The following GLYATL3 variants were observed in gnomAD, a reference collection of about 807,000 sequenced individuals.
GLYATL3 encodes glycine N-acyltransferase-like protein 3.
In GLYATL3, 31 loss-of-function variants were observed where a neutral mutation model predicts 28.5. That is an observed-to-expected ratio of 1.09 (90% CI 0.82 to 1.47). The LOEUF is 1.47. Ranked by LOEUF, GLYATL3 falls within the 40% of genes most tolerant of loss-of-function variation. The pLI is 0.00. For synonymous variants in GLYATL3, 141 were observed against 140.2 expected (o/e 1.01, Z -0.04); for missense variants, 369 against 351.5 (o/e 1.05, Z -0.40).
intron 5 of GLYATL3, among the ~76,000 whole-genome samples, chr6:49,524,547 C>T (rs1769369730): frequency 6.6e-6 from 1 of 152,058 alleles, no homozygotes. Context: ...ATATCAGGGG[C>T]TTTATATAGT....
intron 4 of GLYATL3, among the ~76,000 whole-genome samples, chr6:49,519,975 T>G (rs1769285211): frequency 6.6e-6 from 1 of 152,192 alleles, no homozygotes. Context: ...TGGTAACTAG[T>G]CTAATAAATG....
intron 4 of GLYATL3, among the ~76,000 whole-genome samples, chr6:49,519,526 T>C (rs1769279107): frequency 1.3e-5 from 2 of 152,198 alleles, no homozygotes; most frequent in Admixed American, 6.5e-5. Context: ...CTATTCTTAA[T>C]TGGAGTATCC....
Position 49,527,885 on chromosome 6 carries a change from C to G in GLYATL3, c.*971C>G, listed in dbSNP as rs1471055538. Among the ~76,000 whole-genome samples the G allele has an allele frequency of 1.3e-5, 2 of 151,516 alleles. No homozygotes were observed. Among genetic ancestry groups the G allele is most frequent in the African/African-American group, 2.4e-5 (1 of 41,164 alleles). The stretch of plus-strand genomic sequence containing the variant: ...TTTTGATAAGATAATAAATTTTAAC[C>G]CTTTGATTACATATGAAAAATTTGA... On this transcript the variant is annotated 3_prime_UTR_variant, in exon 6 of 6. Coordinates refer to ENST00000371197, the MANE Select transcript of GLYATL3 (RefSeq NM_001010904.2).
chr6:49,519,834 A>G lies in GLYATL3; in HGVS notation c.314-1811A>G, dbSNP rs183947412. On this transcript the variant is annotated intron_variant, in intron 4 of 5. Transcript: ENST00000371197. Reference sequence around the variant, plus strand: ...TAGCTAAACCCCTTTAGTTTGCCATATGAAAGCAGGAAGTGAAAAAGTATA... The same window carrying G: ...TAGCTAAACCCCTTTAGTTTGCCATGTGAAAGCAGGAAGTGAAAAAGTATA... Among the ~76,000 whole-genome samples the G allele has an allele frequency of 5.9e-5, 9 of 152,330 alleles. No homozygotes were observed. The East Asian group carries it at 1.7e-3, about 29-fold the overall frequency.
chr6:49,514,259 A>C (rs1408167406), intron 2 of GLYATL3, among the ~76,000 whole-genome samples: 1 of 152,190 alleles, frequency 6.6e-6, no homozygotes, highest in Non-Finnish European at 1.5e-5. Context: ...CCTGTTTTGA[A>C]TGTAACATAA....
intron 2 of GLYATL3, among the ~76,000 whole-genome samples, chr6:49,514,984 A>G (rs1192495918): frequency 1.3e-5 from 2 of 152,188 alleles, no homozygotes. Context: ...GAATTATAAT[A>G]TTATTCCAGT....
intron 1 of GLYATL3, among the ~76,000 whole-genome samples, chr6:49,504,517 T>C (rs1278968363): frequency 6.6e-6 from 1 of 152,186 alleles, no homozygotes; most frequent in Non-Finnish European, 1.5e-5. Context: ...GAAATGTTTT[T>C]CGGCAGCAGT....
At chr6:49,517,377 T>C in intron 3 of GLYATL3, 53 bp from the exon 4 acceptor site, 9 of 1,437,594 alleles carry the variant, frequency 6.3e-6, no homozygotes, top group Non-Finnish European at 8.3e-6. Flanking sequence ...ACCTAAGATT[T>C]GGATTATCCA....
chr6:49,517,381 T>G (rs1166459943), intron 3 of GLYATL3, 49 bp from the exon 4 acceptor site: 1 of 1,457,102 alleles, frequency 6.9e-7, no homozygotes, highest in Admixed American at 2.6e-5. Context: ...AAGATTTGGA[T>G]TATCCAGATA....
In GLYATL3 at chr6:49,515,672, A is replaced by G. The variant is rs1461872945; in HGVS notation, c.98A>G (p.Asn33Ser). 1.9e-6 allele frequency: 3 copies of G among 1,549,596 alleles called. No individual in the cohort carries two copies. The highest frequency in any genetic ancestry group is 2.6e-6 in the Non-Finnish European group (3 of 1,145,228). The change falls in exon 3 of 6, where the codon AAC becomes AGC. Residue 33 changes from asparagine (N) to serine (S), a missense_variant. By Grantham distance (46) the Asn-to-Ser change is conservative (BLOSUM62 1). Coordinates refer to ENST00000371197, the MANE Select transcript of GLYATL3 (RefSeq NM_001010904.2). ...ESLKVYGAVM[N>S]INRGNPFQKE... Reference sequence around the variant, plus strand: ...ACTCAGGTTTACGGAGCGGTGATGAACATAAATCGTGGGAACCCCTTTCAA... The same window carrying G: ...ACTCAGGTTTACGGAGCGGTGATGAGCATAAATCGTGGGAACCCCTTTCAA...
intron 2 of GLYATL3, among the ~76,000 whole-genome samples, chr6:49,515,136 G>A (rs1027995239): frequency 7.2e-5 from 11 of 152,028 alleles, no homozygotes; most frequent in African/African-American, 2.2e-4. Flanking sequence ...TTGTTTGTTT[G>A]TTTTAATTTG....
chr6:49,526,719 A>G lies in GLYATL3; in HGVS notation c.672A>G (p.Lys224=). ...HGYTLPEHRR[K]GYSRLVALTL... is the part of the protein sequence containing the mutation. ...ACACCCTGCCAGAACATCGCAGGAAAGGTTACAGCCGGCTGGTGGCCCTCA... is the reference window on the plus strand; with the variant it reads ...ACACCCTGCCAGAACATCGCAGGAAGGGTTACAGCCGGCTGGTGGCCCTCA... The change falls in exon 6 of 6, where the codon AAA becomes AAG. Residue 224 remains lysine, a synonymous_variant. Transcript: ENST00000371197. The G allele has an allele frequency of 6.4e-7, 1 of 1,551,708 alleles. No individual in the cohort carries two copies. Among genetic ancestry groups the G allele is most frequent in the Non-Finnish European group, 8.7e-7 (1 of 1,146,994 alleles).
At chr6:49,514,899 C>T (rs778166368) in intron 2 of GLYATL3, among the ~76,000 whole-genome samples, 17 of 151,138 alleles carry the variant, frequency 1.1e-4, no homozygotes, top group African/African-American at 2.0e-4. Flanking sequence ...GAGATACTGT[C>T]GCAAAATAAT....
chr6:49,526,694 A>C lies in GLYATL3; in HGVS notation c.647A>C (p.Tyr216Ser). ...TDQFATMCHG[Y>S]TLPEHRRKGY... The stretch of plus-strand genomic sequence containing the variant: ...CAGTTTGCCACCATGTGCCATGGCT[A>C]CACCCTGCCAGAACATCGCAGGAAA... The change falls in exon 6 of 6, where the codon TAC (tyrosine) becomes TCC (serine). Residue 216 changes from tyrosine (Y) to serine (S), a missense_variant. Physicochemically the swap from Tyr to Ser is moderately radical, Grantham distance 144 (BLOSUM62 -2). Coordinates refer to ENST00000371197, the MANE Select transcript of GLYATL3 (RefSeq NM_001010904.2). 1 of 1,551,732 alleles carries C rather than the reference A, an allele frequency of 6.4e-7. No homozygotes were observed. Among genetic ancestry groups the C allele is most frequent in the Non-Finnish European group, 8.7e-7 (1 of 1,146,988 alleles).
At position 49,525,009 on chromosome 6, in the gene GLYATL3, G is replaced by A. The variant is rs73431919; in HGVS notation, c.441-1479G>A. ...AAAAAAAAGAACAAACATTTCTAAA[G>A]CATGCACATATGCTTGGCATATTAA... On this transcript the variant is annotated intron_variant, in intron 5 of 5. Coordinates refer to ENST00000371197, the MANE Select transcript of GLYATL3 (RefSeq NM_001010904.2). Among the ~76,000 whole-genome samples, 915 of 143,090 alleles carry A rather than the reference G, an allele frequency of 6.4e-3. 12 individuals carry two copies. The highest frequency in any genetic ancestry group is 0.022 in the African/African-American group (865 of 38,646). 93.9% of individuals were successfully genotyped at this position (143,090 alleles called of 152,430 possible).
chr6:49,510,866 A>G (rs530462894), intron 1 of GLYATL3, among the ~76,000 whole-genome samples: 103 of 152,350 alleles, frequency 6.8e-4, no homozygotes, highest in Non-Finnish European at 9.8e-4. Flanking sequence ...GGGCTTGATC[A>G]TATGCTTTCC....
In GLYATL3 at chr6:49,527,061, A is replaced by C. The variant is rs1157045285; in HGVS notation, c.*147A>C. ...AGAATATATACAGGATCCACTTGAG[A>C]AGCCTTAATTTTTCGTATCTCAGGT... On this transcript the variant is annotated 3_prime_UTR_variant, in exon 6 of 6. Transcript: ENST00000371197. 1.6e-6 allele frequency: 1 copy of C among 623,124 alleles called. No individual in the cohort carries two copies. The highest frequency in any genetic ancestry group is 1.8e-5 in the African/African-American group (1 of 54,504). 38.6% of individuals were successfully genotyped at this position (623,124 alleles called of 1,614,324 possible). A position where few individuals can be genotyped will look rare whatever the true frequency, so the allele number is the denominator to read the frequency against.
chr6:49,526,963 C>A lies in GLYATL3; in HGVS notation c.*49C>A. 1 of 1,335,896 alleles carries A rather than the reference C, an allele frequency of 7.5e-7. No individual in the cohort carries two copies. The highest frequency in any genetic ancestry group is 1.0e-6 in the Non-Finnish European group (1 of 1,000,032). 82.8% of individuals were successfully genotyped at this position (1,335,896 alleles called of 1,614,324 possible). On this transcript the variant is annotated 3_prime_UTR_variant, in exon 6 of 6. Coordinates refer to ENST00000371197, the MANE Select transcript of GLYATL3 (RefSeq NM_001010904.2). ...TTATTACTTTCCCTGAGCATACACA[C>A]ACTCTTGGCTGCCAACGAGGGGAGA...
chr6:49,506,707 G>A (rs149183393), intron 1 of GLYATL3, among the ~76,000 whole-genome samples: 5 of 152,034 alleles, frequency 3.3e-5, no homozygotes, highest in African/African-American at 9.7e-5. Flanking sequence ...ATGGAGACAA[G>A]GACGGCTCAA....
Sources: allele counts gnomAD v4.1 joint callset (sites outside exome capture counted in the v4.1 genomes callset), GRCh38; gene constraint gnomAD v4.1.1; transcripts MANE v1.5; gene names NCBI Gene and HGNC (gene_info 2026-07-23, HGNC 2026-07-21).